The following PTPRS variants were observed in gnomAD, a reference collection of about 807,000 sequenced individuals.
PTPRS encodes protein tyrosine phosphatase receptor type S.
PTPRS carries 63 observed loss-of-function variants against 215.3 expected under a neutral mutation model. That is an observed-to-expected ratio of 0.29 (90% CI 0.24 to 0.36). PTPRS has a LOEUF of 0.36. Ranked by LOEUF, PTPRS falls within the 10% of genes least tolerant of loss-of-function variation. PTPRS has a pLI of 1.00. For missense variants in PTPRS, 2,258 were observed against 2,825.8 expected (o/e 0.80, Z 4.56); for synonymous variants, 1,404 against 1,191.4 (o/e 1.18, Z -3.68).
chr19:5,322,898 AAAG>A (rs34686027), intron 1 of PTPRS, among the ~76,000 whole-genome samples: 28 of 120,338 alleles, frequency 2.3e-4, no homozygotes, highest in East Asian at 4.2e-4. Context: ...AAAAAAAAAA[AAAG>A]AAGAAGAAGA....
At chr19:5,240,889 AT>A (rs35045025) in intron 11 of PTPRS, among the ~76,000 whole-genome samples, 57,258 of 106,164 alleles carry the variant, frequency 0.54, 14,134 homozygotes, top group East Asian at 0.58. Flanking sequence ...AATCCCCTTC[AT>A]TTTTTTTTTT....
At chr19:5,325,630 C>T (rs993208729) in intron 1 of PTPRS, among the ~76,000 whole-genome samples, 3 of 152,208 alleles carry the variant, frequency 2.0e-5, no homozygotes, top group Admixed American at 2.0e-4. Context: ...CCCAAGGCGT[C>T]CCCAAGGACA....
At chr19:5,216,464 G>A (rs779364890) in intron 26 of PTPRS, among the ~76,000 whole-genome samples, 3 of 152,062 alleles carry the variant, frequency 2.0e-5, no homozygotes, top group African/African-American at 4.8e-5. Context: ...CTGTGGGCAC[G>A]TCCTGGGTAC....
chr19:5,220,890 G>A (rs1042795043), intron 20 of PTPRS, 110 bp downstream of exon 20: 10 of 1,323,014 alleles, frequency 7.6e-6, no homozygotes, highest in Middle Eastern at 2.0e-4. Context: ...GATAGGGTCT[G>A]TGTTTCATAG....
At chr19:5,275,551 AC>A (rs1233830231) in intron 2 of PTPRS, among the ~76,000 whole-genome samples, 1 of 149,120 alleles carries the variant, frequency 6.7e-6, no homozygotes, top group Admixed American at 6.7e-5. Flanking sequence ...CACATCTGTA[AC>A]CCCAGCACTT....
At chr19:5,280,408 G>C (rs1195341823) in intron 2 of PTPRS, among the ~76,000 whole-genome samples, 1 of 152,170 alleles carries the variant, frequency 6.6e-6, no homozygotes, top group African/African-American at 2.4e-5. Context: ...TGTGTGCTTT[G>C]AGCATCTGTC....
At chr19:5,233,862 C>G (rs1364131260) in intron 13 of PTPRS, among the ~76,000 whole-genome samples, 1 of 135,238 alleles carries the variant, frequency 7.4e-6, no homozygotes, top group Admixed American at 8.7e-5. Context: ...AGGAGAATCA[C>G]TTGAACCTGG....
chr19:5,211,038 T>C (rs1377763773), intron 33 of PTPRS, among the ~76,000 whole-genome samples: 3 of 152,244 alleles, frequency 2.0e-5, no homozygotes, highest in Non-Finnish European at 4.4e-5. Context: ...GCTGCGGGAC[T>C]ATCCACTAAC....
chr19:5,261,747 C>T (rs1254865662), intron 6 of PTPRS, among the ~76,000 whole-genome samples: 4 of 152,202 alleles, frequency 2.6e-5, no homozygotes, highest in African/African-American at 7.2e-5. Context: ...GGGGTGGGCA[C>T]TGAGCCTAGC....
intron 1 of PTPRS, among the ~76,000 whole-genome samples, chr19:5,326,605 G>A (rs2050173426): frequency 6.6e-6 from 1 of 151,872 alleles, no homozygotes; most frequent in East Asian, 1.9e-4. Flanking sequence ...AGGATCGCCT[G>A]AGCCCAGGAG....
chr19:5,296,247 T>C (rs572243691), intron 1 of PTPRS, among the ~76,000 whole-genome samples: 11 of 152,136 alleles, frequency 7.2e-5, no homozygotes, highest in East Asian at 3.9e-4. Flanking sequence ...CTGAGGATGA[T>C]TGGGTTCAGG....
At chr19:5,233,540 A>G (rs2043186108) in intron 13 of PTPRS, among the ~76,000 whole-genome samples, 1 of 151,148 alleles carries the variant, frequency 6.6e-6, no homozygotes, top group Non-Finnish European at 1.5e-5. Flanking sequence ...TATTTACTGA[A>G]TATCTAGTAT....
At chr19:5,238,439 G>A (rs992405510) in intron 13 of PTPRS, among the ~76,000 whole-genome samples, 4 of 152,256 alleles carry the variant, frequency 2.6e-5, no homozygotes, top group South Asian at 2.1e-4. Context: ...CTCCCTGCCC[G>A]GGGGAGGAAG....
At chr19:5,276,948 T>C (rs964029984) in intron 2 of PTPRS, among the ~76,000 whole-genome samples, 6 of 152,102 alleles carry the variant, frequency 3.9e-5, no homozygotes, top group African/African-American at 1.4e-4. Context: ...ATCGACTATT[T>C]TTACAGTAAC....
intron 16 of PTPRS, among the ~76,000 whole-genome samples, chr19:5,227,339 C>CCATGCCCTGCCGATGTG (rs1268061118): frequency 2.0e-5 from 3 of 151,862 alleles, no homozygotes; most frequent in South Asian, 2.1e-4. Flanking sequence ...GCGTGAGCCA[C>CCATGCCCTGCCGATGTG]TGTGCCTGGC....
In PTPRS at chr19:5,205,733, T is replaced by A. The variant is rs1299321491; in HGVS notation, c.*1041A>T. Among the ~76,000 whole-genome samples, 5 of 152,068 alleles carry A rather than the reference T, an allele frequency of 3.3e-5. No homozygotes were observed. The highest frequency in any genetic ancestry group is 9.7e-5 in the African/African-American group (4 of 41,404). On this transcript the variant is annotated 3_prime_UTR_variant, in exon 38 of 38. Transcript: ENST00000262963. ...AGTCCCAGGGGGAAAGGGTCCCTGATGTGGGGCAGCACAGCCATACAGCCA... is the reference window on the plus strand; with the variant it reads ...AGTCCCAGGGGGAAAGGGTCCCTGAAGTGGGGCAGCACAGCCATACAGCCA...
At chr19:5,234,197 G>C (rs73543293) in intron 13 of PTPRS, among the ~76,000 whole-genome samples, 1 of 151,994 alleles carries the variant, frequency 6.6e-6, no homozygotes, top group African/African-American at 2.4e-5. Flanking sequence ...TTTATTTACT[G>C]AACACTTGTG....
chr19:5,236,480 C>T (rs1358222789), intron 13 of PTPRS, among the ~76,000 whole-genome samples: 3 of 152,212 alleles, frequency 2.0e-5, no homozygotes, highest in African/African-American at 7.2e-5. Context: ...TTAGAATCTA[C>T]GTCCCCTGGA....
intron 1 of PTPRS, among the ~76,000 whole-genome samples, chr19:5,329,766 TA>T (rs112162372): frequency 4.7e-3 from 554 of 118,534 alleles, no homozygotes; most frequent in Middle Eastern, 6.2e-3. Context: ...CTCCATCTCC[TA>T]AAAAAAAAAA....
Sources: allele counts gnomAD v4.1 joint callset (sites outside exome capture counted in the v4.1 genomes callset), GRCh38; gene constraint gnomAD v4.1.1; transcripts MANE v1.5; gene names NCBI Gene and HGNC (gene_info 2026-07-23, HGNC 2026-07-21).